The following UBXN1 variants were observed in gnomAD, a reference collection of about 807,000 sequenced individuals.
UBXN1 encodes UBX domain-containing protein 1.
UBXN1 carries 21 observed loss-of-function variants against 42.0 expected under a neutral mutation model. The observed-to-expected ratio is 0.50, with a 90% CI of 0.35 to 0.72. The LOEUF (loss-of-function observed/expected upper bound fraction) is 0.72. UBXN1 is among the 30% of genes least tolerant of loss of function. UBXN1 has a pLI of 0.00. For synonymous variants in UBXN1, 172 were observed against 142.6 expected (o/e 1.21, Z -1.47); for missense variants, 374 against 382.2 (o/e 0.98, Z 0.18).
In UBXN1 at chr11:62,678,346, T is replaced by C. The variant is rs762582295; in HGVS notation, c.283A>G (p.Thr95Ala). 8.1e-5 allele frequency: 130 copies of C among 1,614,060 alleles called. No homozygotes were observed. The highest frequency in any genetic ancestry group is 1.1e-4 in the Non-Finnish European group (126 of 1,180,040). Residue 95 changes from threonine (T) to alanine (A), a missense_variant, in exon 4 of 9, where the codon ACT becomes GCT. Transcript: ENST00000301935. ...ALSEEERQEQ[T>A]KRMLELVAQK... ...AGATTGTTGTTACTGTACCTCTTAG[T>C]TTGTTCCTGTCTTTCCTCTTCACTC...
chr11:62,677,063 A>G, intron 7 of UBXN1, 58 bp from the exon 8 acceptor site: 1 of 1,542,738 alleles, frequency 6.5e-7, no homozygotes, highest in Non-Finnish European at 8.7e-7. Context: ...GAGGTGCCCA[A>G]GTAAGGAAAA....
intron 1 of UBXN1, 24 bp downstream of exon 1, chr11:62,678,841 G>A (rs1395614251): frequency 2.5e-6 from 4 of 1,608,440 alleles, no homozygotes; most frequent in East Asian, 2.2e-5. Flanking sequence ...ACACCCGCAG[G>A]CCGGGGTTGG....
rs774368608 is a variant in UBXN1 at position 62,678,749 on chromosome 11, G to A, written c.60-6C>T. The stretch of plus-strand genomic sequence containing the variant: ...TGAGGGCCAGAGCCTTCTCCCTGGG[G>A]GCAGAAACACCATGAATAGCGCCCA... On this transcript the variant is annotated splice_polypyrimidine_tract_variant and splice_region_variant and intron_variant, in intron 1 of 8. Transcript: ENST00000301935. 13 of 1,613,302 alleles carry A rather than the reference G, an allele frequency of 8.1e-6. No homozygotes were observed. The highest frequency in any genetic ancestry group is 1.1e-5 in the South Asian group (1 of 91,064).
chr11:62,678,452 C>A (rs200509247), intron 3 of UBXN1, 43 bp downstream of exon 3: 1 of 1,613,910 alleles, frequency 6.2e-7, no homozygotes, highest in African/African-American at 1.3e-5. Context: ...AGATTCTCCT[C>A]GGACCCTCCT....
Position 62,676,937 on chromosome 11 carries a change from C to T in UBXN1, c.720G>A (p.Arg240=). 6.2e-7 allele frequency: 1 copy of T among 1,613,288 alleles called. No individual in the cohort carries two copies. Among genetic ancestry groups the T allele is most frequent in the Non-Finnish European group, 8.5e-7 (1 of 1,180,042 alleles). Residue 240 remains arginine (R), a synonymous_variant, in exon 8 of 9, where the codon AGG becomes AGA. Coordinates refer to ENST00000301935, the MANE Select transcript of UBXN1 (RefSeq NM_001286077.2). ...FRAREQLAAV[R]LYVELHRGEE... ...CCCCACGGTGGAGCTCCACATAGAG[C>T]CTCACAGCTGCCAGCTGTTCCCGGG...
chr11:62,676,917 C>G lies in UBXN1; in HGVS notation c.740G>C (p.Arg247Pro). The change falls in exon 8 of 9, where the codon CGT becomes CCT. Residue 247 changes from arginine to proline, a missense_variant. Arg to Pro is a moderately radical substitution (Grantham distance 103). Transcript: ENST00000301935. ...AAVRLYVELH[R>P]GEELGGGQDP... ...CTGGCCCCCACCTAGTTCCTCCCCA[C>G]GGTGGAGCTCCACATAGAGCCTCAC... is the stretch of plus-strand genomic sequence containing the variant. 1 of 1,613,682 alleles carries G rather than the reference C, an allele frequency of 6.2e-7. No homozygotes were observed. The highest frequency in any genetic ancestry group is 8.5e-7 in the Non-Finnish European group (1 of 1,180,030).
intron 1 of UBXN1, 51 bp from the exon 2 acceptor site, chr11:62,678,794 G>A: frequency 2.5e-6 from 4 of 1,612,422 alleles, no homozygotes; most frequent in East Asian, 2.2e-5. Context: ...GTGACGGTCA[G>A]GCTGGGGCAA....
chr11:62,677,641 G>C lies in UBXN1; in HGVS notation c.535-7C>G. On this transcript the variant is annotated splice_region_variant and splice_polypyrimidine_tract_variant and intron_variant, in intron 6 of 8. Coordinates refer to ENST00000301935, the MANE Select transcript of UBXN1 (RefSeq NM_001286077.2). ...AGCCCACACTGCCACCATACTAAAG[G>C]GCAAAGTAAAACAGTCAATCAGGTA... 1 of 1,612,132 alleles carries C rather than the reference G, an allele frequency of 6.2e-7. No homozygotes were observed. The highest frequency in any genetic ancestry group is 8.5e-7 in the Non-Finnish European group (1 of 1,179,158).
In UBXN1 at chr11:62,676,925, C is replaced by T; in HGVS notation, c.732G>A (p.Glu244=). Residue 244 remains glutamate, a synonymous_variant, in exon 8 of 9, where the codon GAG becomes GAA. Coordinates refer to ENST00000301935, the MANE Select transcript of UBXN1 (RefSeq NM_001286077.2). The stretch of plus-strand genomic sequence containing the variant: ...CACCTAGTTCCTCCCCACGGTGGAG[C>T]TCCACATAGAGCCTCACAGCTGCCA... ...EQLAAVRLYV[E]LHRGEELGGG... 1.2e-6 allele frequency: 2 copies of T among 1,613,486 alleles called. No individual in the cohort carries two copies. The highest frequency in any genetic ancestry group is 2.2e-5 in the East Asian group (1 of 44,896).
intron 4 of UBXN1, 50 bp downstream of exon 4, chr11:62,678,289 G>T: frequency 6.2e-7 from 1 of 1,612,232 alleles, no homozygotes; most frequent in Non-Finnish European, 8.5e-7. Context: ...ACGTGTACTG[G>T]GGAGAGATGG....
rs1234629099 is a variant in UBXN1 at position 62,677,069 on chromosome 11, GA to G, written c.652-65del. 4 of 1,535,246 alleles carry G rather than the reference GA, an allele frequency of 2.6e-6. No homozygotes were observed. In the African/African-American group the frequency reaches 5.5e-5, roughly 21 times the overall value. ...AAACTGAATGAGGTGCCCAAGTAAGGAAAAGAGCTAAAGCTGGGCCCCCTTC... is the reference window on the plus strand; with the variant it reads ...AAACTGAATGAGGTGCCCAAGTAAGGAAAGAGCTAAAGCTGGGCCCCCTTC... On this transcript the variant is annotated intron_variant, in intron 7 of 8. Coordinates refer to ENST00000301935, the MANE Select transcript of UBXN1 (RefSeq NM_001286077.2).
chr11:62,677,845 CAAG>C lies in UBXN1; in HGVS notation c.483-16_483-14del, dbSNP rs754805819. 8.7e-6 allele frequency: 14 copies of C among 1,614,078 alleles called. No individual in the cohort carries two copies. The African/African-American group carries it at 1.6e-4, about 18-fold the overall frequency. The stretch of plus-strand genomic sequence containing the variant: ...TCTAACTCTTTGTCTGAAATGTAGA[CAAG>C]AAGAAATTAGGTCAGACATCAACAA... On this transcript the variant is annotated splice_polypyrimidine_tract_variant and intron_variant, in intron 5 of 8. Coordinates refer to ENST00000301935, the MANE Select transcript of UBXN1 (RefSeq NM_001286077.2).
At chr11:62,677,350 A>G in intron 7 of UBXN1, 168 bp downstream of exon 7, 1 of 724,990 alleles carries the variant, frequency 1.4e-6, no homozygotes, top group Non-Finnish European at 2.4e-6. Flanking sequence ...CAACTGGGGC[A>G]GGTGAAATTT....
At chr11:62,677,397 G>T in intron 7 of UBXN1, 121 bp downstream of exon 7, 1 of 1,012,740 alleles carries the variant, frequency 9.9e-7, no homozygotes, top group Non-Finnish European at 1.5e-6. Flanking sequence ...GATTTCAAAA[G>T]TCATTTACAA....
At position 62,679,041 on chromosome 11, in the gene UBXN1, G is replaced by C; in HGVS notation, c.-118C>G. On this transcript the variant is annotated 5_prime_UTR_variant, in exon 1 of 9. Coordinates refer to ENST00000301935, the MANE Select transcript of UBXN1 (RefSeq NM_001286077.2). ...CCGACGGGCGCTCGCTCTCTCACCC[G>C]GCTCTATAGCAGCCGGGAACACCGA... 8.8e-7 allele frequency: 1 copy of C among 1,135,390 alleles called. No individual in the cohort carries two copies. Among genetic ancestry groups the C allele is most frequent in the Non-Finnish European group, 1.2e-6 (1 of 808,830 alleles). 70.3% of individuals were successfully genotyped at this position (1,135,390 alleles called of 1,614,324 possible).
Position 62,678,507 on chromosome 11 carries a change from C to G in UBXN1, c.208G>C (p.Gly70Arg). The G allele has an allele frequency of 6.2e-7, 1 of 1,612,286 alleles. No homozygotes were observed. Among genetic ancestry groups the G allele is most frequent in the East Asian group, 2.2e-5 (1 of 44,860 alleles). ...LGREPTSSEQ[G>R]GLEGSGSAAG... is the part of the protein sequence containing the mutation. ...CCTCAGTCAGGACCTTCAAGGCCGC[C>G]TTGCTCTGAGGAAGTGGGCTCCCGT... Residue 70 changes from glycine to arginine, a missense_variant, in exon 3 of 9, where the codon GGC (glycine) becomes CGC (arginine). Coordinates refer to ENST00000301935, the MANE Select transcript of UBXN1 (RefSeq NM_001286077.2).
chr11:62,679,025 G>C lies in UBXN1; in HGVS notation c.-102C>G. The C allele has an allele frequency of 7.6e-7, 1 of 1,319,898 alleles. No individual in the cohort carries two copies. The highest frequency in any genetic ancestry group is 1.5e-5 in the African/African-American group (1 of 68,064). The allele number at this position is 1,319,898 out of a possible 1,614,324, so 81.8% of individuals were successfully genotyped here. ...CCGCCCTCGACACCCGCCGACGGGCGCTCGCTCTCTCACCCGGCTCTATAG... is the reference window on the plus strand; with the variant it reads ...CCGCCCTCGACACCCGCCGACGGGCCCTCGCTCTCTCACCCGGCTCTATAG... On this transcript the variant is annotated 5_prime_UTR_variant, in exon 1 of 9. Transcript: ENST00000301935.
intron 7 of UBXN1, 38 bp from the exon 8 acceptor site, chr11:62,677,043 A>G: frequency 1.3e-6 from 2 of 1,577,164 alleles, no homozygotes; most frequent in Non-Finnish European, 1.7e-6. Flanking sequence ...TGTGGGCATC[A>G]AAACTGAATG....
At position 62,679,031 on chromosome 11, in the gene UBXN1, T is replaced by G; in HGVS notation, c.-108A>C. The G allele has an allele frequency of 8.0e-7, 1 of 1,244,910 alleles. No individual in the cohort carries two copies. Among genetic ancestry groups the G allele is most frequent in the Non-Finnish European group, 1.1e-6 (1 of 903,168 alleles). The allele number at this position is 1,244,910 out of a possible 1,614,324, so 77.1% of individuals were successfully genotyped here. On this transcript the variant is annotated 5_prime_UTR_variant, in exon 1 of 9. Transcript: ENST00000301935. ...TCGACACCCGCCGACGGGCGCTCGC[T>G]CTCTCACCCGGCTCTATAGCAGCCG...
Sources: gnomAD v4.1 joint callset for allele counts on GRCh38, gnomAD v4.1.1 for gene constraint, MANE v1.5 for transcripts, NCBI Gene and HGNC (gene_info 2026-07-23, HGNC 2026-07-21) for gene names.